The following NFIA variants were observed in gnomAD, a reference collection of about 807,000 sequenced individuals.
NFIA encodes nuclear factor I A.
In NFIA, 8 loss-of-function variants were observed where a neutral mutation model predicts 62.8. That is an observed-to-expected ratio of 0.13 (90% CI 0.07 to 0.23). The LOEUF is 0.23. NFIA is among the 10% of genes least tolerant of loss of function. The pLI is 1.00. For synonymous variants in NFIA, 235 were observed against 238.1 expected (o/e 0.99, Z 0.12); for missense variants, 410 against 642.1 (o/e 0.64, Z 3.91).
At chr1:61,104,296 C>T (rs1364135723) in intron 2 of NFIA, among the ~76,000 whole-genome samples, 1 of 151,894 alleles carries the variant, frequency 6.6e-6, no homozygotes, top group Non-Finnish European at 1.5e-5. Context: ...AGCATTTGTA[C>T]GTTGTATGTC....
intron 6 of NFIA, among the ~76,000 whole-genome samples, chr1:61,375,581 C>G (rs1381591286): frequency 6.6e-6 from 1 of 152,158 alleles, no homozygotes; most frequent in Non-Finnish European, 1.5e-5. Flanking sequence ...GCATGGTACA[C>G]TGAAAGGAGC....
At chr1:61,084,185 CG>C (rs888777606) in intron 1 of NFIA, among the ~76,000 whole-genome samples, 30 of 152,260 alleles carry the variant, frequency 2.0e-4, no homozygotes, top group African/African-American at 7.0e-4. Flanking sequence ...TAGGAGATAA[CG>C]GTTTAACCGG....
chr1:61,317,536 C>G (rs1237749739), intron 3 of NFIA, among the ~76,000 whole-genome samples: 1 of 151,834 alleles, frequency 6.6e-6, no homozygotes, highest in Non-Finnish European at 1.5e-5. Context: ...AGACTAAGTA[C>G]TGTTATTTCT....
intron 7 of NFIA, among the ~76,000 whole-genome samples, chr1:61,388,387 T>G (rs964661818): frequency 6.6e-6 from 1 of 152,218 alleles, no homozygotes; most frequent in Non-Finnish European, 1.5e-5. Flanking sequence ...AAATCTTTCT[T>G]CATCCCTTTG....
upstream of NFIA, chr1:61,082,040 C>T: frequency 6.5e-7 from 1 of 1,548,366 alleles, no homozygotes; most frequent in Non-Finnish European, 8.7e-7. Flanking sequence ...CCCAAGTCCT[C>T]CACCGAGGTC....
intron 2 of NFIA, among the ~76,000 whole-genome samples, chr1:61,211,889 G>GT (rs1351545896): frequency 6.6e-6 from 1 of 152,104 alleles, no homozygotes; most frequent in Non-Finnish European, 1.5e-5. Flanking sequence ...TAGACACTGG[G>GT]TTTTGCCATG....
chr1:61,231,881 AC>A (rs1184415331), intron 2 of NFIA, among the ~76,000 whole-genome samples: 88 of 151,862 alleles, frequency 5.8e-4, no homozygotes, highest in African/African-American at 2.0e-3. Flanking sequence ...ACAAAAAAAA[AC>A]AAAACAAGAA....
At chr1:61,360,726 C>T (rs1663242912) in intron 6 of NFIA, among the ~76,000 whole-genome samples, 1 of 152,172 alleles carries the variant, frequency 6.6e-6, no homozygotes, top group Non-Finnish European at 1.5e-5. Context: ...CATTCTGTAT[C>T]CTGATTGTGG....
chr1:61,394,160 G>A (rs369762805), intron 7 of NFIA, among the ~76,000 whole-genome samples: 5 of 152,156 alleles, frequency 3.3e-5, no homozygotes, highest in South Asian at 4.2e-4. Context: ...TTCAAATTGC[G>A]CTATTCTTTC....
At chr1:61,170,628 G>T (rs1320535847) in intron 2 of NFIA, among the ~76,000 whole-genome samples, 1 of 151,528 alleles carries the variant, frequency 6.6e-6, no homozygotes, top group African/African-American at 2.4e-5. Flanking sequence ...ACCTTTTTTT[G>T]CCATCTAAAT....
At chr1:61,203,051 A>G (rs1652617424) in intron 2 of NFIA, among the ~76,000 whole-genome samples, 1 of 152,228 alleles carries the variant, frequency 6.6e-6, no homozygotes, top group Non-Finnish European at 1.5e-5. Flanking sequence ...TGGGGATTAC[A>G]CAATATAGCG....
At chr1:61,289,912 A>T (rs148825747) in intron 3 of NFIA, among the ~76,000 whole-genome samples, 3 of 152,258 alleles carry the variant, frequency 2.0e-5, no homozygotes, top group Non-Finnish European at 4.4e-5. Context: ...GCAACAATCC[A>T]TAAATAGATA....
chr1:61,257,329 G>GTTTTTTTTTT lies in NFIA; in HGVS notation c.560-20174_560-20165dup, dbSNP rs67912567. On this transcript the variant is annotated intron_variant, in intron 2 of 10. Coordinates refer to ENST00000403491, the MANE Select transcript of NFIA (RefSeq NM_001134673.4). ...TGTTTTTTATATTTTTTACTGCGTT[G>GTTTTTTTTTT]TTTTTTTTTTTTTTTTTTTTTTTTT... Among the ~76,000 whole-genome samples the GTTTTTTTTTT allele has an allele frequency of 3.7e-5, 2 of 54,696 alleles. 1 individual carries two copies. Among genetic ancestry groups the GTTTTTTTTTT allele is most frequent in the East Asian group, 1.4e-3 (2 of 1,442 alleles). The allele number at this position is 54,696 out of a possible 152,430, so 35.9% of individuals were successfully genotyped here.
At chr1:61,351,301 G>A (rs1276707324) in intron 4 of NFIA, among the ~76,000 whole-genome samples, 1 of 152,128 alleles carries the variant, frequency 6.6e-6, no homozygotes, top group African/African-American at 2.4e-5. Flanking sequence ...TTTCATCTAA[G>A]TGCCTTCCTC....
In NFIA at chr1:61,253,235, G is replaced by A. The variant is rs918139560; in HGVS notation, c.560-24285G>A. On this transcript the variant is annotated intron_variant, in intron 2 of 10. Transcript: ENST00000403491. Reference sequence around the variant, plus strand: ...ACAGTAATCCAGGCAGAAGGTTAGTGTCAGAGAAGTCTGTCAGTGGGTCAT... The same window carrying A: ...ACAGTAATCCAGGCAGAAGGTTAGTATCAGAGAAGTCTGTCAGTGGGTCAT... 3.3e-5 allele frequency among the ~76,000 whole-genome samples: 5 copies of A among 152,350 alleles called. No individual in the cohort carries two copies. The South Asian group carries it at 1.0e-3, about 32-fold the overall frequency.
At chr1:61,266,083 G>A (rs1475880055) in intron 2 of NFIA, among the ~76,000 whole-genome samples, 1 of 152,182 alleles carries the variant, frequency 6.6e-6, no homozygotes, top group East Asian at 1.9e-4. Context: ...AGAAAGGCTG[G>A]AAAGAACCTT....
chr1:61,210,343 G>C (rs1364737050), intron 2 of NFIA, among the ~76,000 whole-genome samples: 1 of 152,046 alleles, frequency 6.6e-6, no homozygotes, highest in Non-Finnish European at 1.5e-5. Context: ...CCTGTTTTCA[G>C]AAAAATTAAA....
intron 2 of NFIA, among the ~76,000 whole-genome samples, chr1:61,166,712 G>C (rs927898481): frequency 2.0e-5 from 3 of 152,166 alleles, no homozygotes; most frequent in Non-Finnish European, 4.4e-5. Context: ...TTTAACTCAT[G>C]AAAGAAACCT....
At chr1:61,297,895 A>T (rs1443932546) in intron 3 of NFIA, among the ~76,000 whole-genome samples, 1 of 152,204 alleles carries the variant, frequency 6.6e-6, no homozygotes, top group Non-Finnish European at 1.5e-5. Context: ...CCAAAAAAAT[A>T]AAAAAGCACC....
Sources: allele counts gnomAD v4.1 joint callset (sites outside exome capture counted in the v4.1 genomes callset), GRCh38; gene constraint gnomAD v4.1.1; transcripts MANE v1.5; gene names NCBI Gene and HGNC (gene_info 2026-07-23, HGNC 2026-07-21).